The following ARID4A variants were observed in gnomAD, a reference collection of about 807,000 sequenced individuals.
ARID4A encodes AT-rich interaction domain 4A, also known as AT-rich interactive domain-containing protein 4A.
A neutral mutation model predicts 148.6 loss-of-function variants in ARID4A; 39 were observed. The ratio of observed to expected loss-of-function variants is 0.26; its 90% CI spans 0.20 to 0.34. The LOEUF is 0.34. ARID4A is among the 10% of genes least tolerant of loss of function. The pLI is 1.00. For synonymous variants in ARID4A, 475 were observed against 481.2 expected, an observed-to-expected ratio of 0.99 and a Z score of 0.17; for missense variants, 1,265 against 1,449.1, an observed-to-expected ratio of 0.87 and a Z score of 2.06.
At chr14:58,359,724 T>G (rs1401010482) in intron 18 of ARID4A, among the ~76,000 whole-genome samples, 3 of 152,176 alleles carry the variant, frequency 2.0e-5, no homozygotes, top group Non-Finnish European at 4.4e-5. Flanking sequence ...CTTCTTTTGC[T>G]TAGTAATATG....
At chr14:58,348,992 G>A (rs188860955) in intron 15 of ARID4A, among the ~76,000 whole-genome samples, 3 of 152,148 alleles carry the variant, frequency 2.0e-5, no homozygotes, top group Admixed American at 2.0e-4. Context: ...CTGAAATTCT[G>A]TACCCATTAA....
intron 5 of ARID4A, among the ~76,000 whole-genome samples, chr14:58,312,188 A>G (rs1390407620): frequency 1.3e-5 from 2 of 152,044 alleles, no homozygotes; most frequent in Non-Finnish European, 2.9e-5. Context: ...AACATGTTGT[A>G]TAAGATAAAT....
intron 1 of ARID4A, among the ~76,000 whole-genome samples, chr14:58,299,137 G>T (rs1212332198): frequency 6.6e-6 from 1 of 152,222 alleles, no homozygotes; most frequent in African/African-American, 2.4e-5. Context: ...GGCTGCTGCG[G>T]TGCGGCTCCC....
chr14:58,372,407 G>T lies in ARID4A; in HGVS notation c.*418G>T. 1 of 240,730 alleles carries T rather than the reference G, an allele frequency of 4.2e-6. No homozygotes were observed. The highest frequency in any genetic ancestry group is 8.1e-6 in the Non-Finnish European group (1 of 123,478). 14.9% of individuals were successfully genotyped at this position (240,730 alleles called of 1,614,324 possible). A position where few individuals can be genotyped will look rare whatever the true frequency, so the allele number is the denominator to read the frequency against. On this transcript the variant is annotated 3_prime_UTR_variant, in exon 24 of 24. Transcript: ENST00000355431. The stretch of plus-strand genomic sequence containing the variant: ...TTCACTAAGATGTATTTGAACACTT[G>T]GTGAGTAGGGGGTTTATGTTGTGTT...
At chr14:58,346,585 C>A (rs1310929264) in intron 13 of ARID4A, 80 bp downstream of exon 13, 4 of 833,066 alleles carry the variant, frequency 4.8e-6, no homozygotes, top group East Asian at 5.7e-5. Flanking sequence ...ATTATATGCA[C>A]ATTGGATAAT....
chr14:58,300,208 C>T (rs1780998564), intron 2 of ARID4A, among the ~76,000 whole-genome samples: 1 of 151,982 alleles, frequency 6.6e-6, no homozygotes, highest in South Asian at 2.1e-4. Flanking sequence ...TTTTTTTCTT[C>T]CCGTGTGCCA....
At chr14:58,306,161 A>G in intron 5 of ARID4A, 49 bp downstream of exon 5, 2 of 1,353,914 alleles carry the variant, frequency 1.5e-6, no homozygotes, top group Non-Finnish European at 2.1e-6. Context: ...GGTTGCATGT[A>G]TCTGTGTTTT....
chr14:58,329,861 GAA>G, intron 10 of ARID4A, 140 bp from the exon 11 acceptor site: 1 of 1,329,680 alleles, frequency 7.5e-7, no homozygotes. Flanking sequence ...TATAACTTAT[GAA>G]ATATGTTAAA....
chr14:58,354,370 C>T (rs980536015), intron 17 of ARID4A, among the ~76,000 whole-genome samples: 2 of 151,992 alleles, frequency 1.3e-5, no homozygotes, highest in Non-Finnish European at 2.9e-5. Context: ...TTTGATCTTC[C>T]GTTAGATGAT....
rs1316620758 is a variant in ARID4A, at chr14:58,373,747, T to C, written c.*1758T>C. The C allele has an allele frequency of 6.0e-6, 1 of 167,244 alleles. No homozygotes were observed. Among genetic ancestry groups the C allele is most frequent in the Non-Finnish European group, 1.3e-5 (1 of 76,634 alleles). The allele number at this position is 167,244 out of a possible 1,614,324, so 10.4% of individuals were successfully genotyped here. ...GTTTTAAACATAGGCTTTATACTTTTAGTTTTCATTTAAGTGATTGCTTTT... is the reference window on the plus strand; with the variant it reads ...GTTTTAAACATAGGCTTTATACTTTCAGTTTTCATTTAAGTGATTGCTTTT... On this transcript the variant is annotated 3_prime_UTR_variant, in exon 24 of 24. Transcript: ENST00000355431.
intron 5 of ARID4A, among the ~76,000 whole-genome samples, chr14:58,306,562 A>G (rs1372897167): frequency 1.3e-5 from 2 of 152,184 alleles, no homozygotes; most frequent in African/African-American, 2.4e-5. Flanking sequence ...TTGATTTTTG[A>G]TACAGTGTGG....
intron 11 of ARID4A, among the ~76,000 whole-genome samples, chr14:58,335,122 A>G (rs1330708906): frequency 6.6e-6 from 1 of 152,036 alleles, no homozygotes; most frequent in Non-Finnish European, 1.5e-5. Flanking sequence ...TCTTGATCCT[A>G]TTTGACTGTT....
At chr14:58,361,694 CT>C (rs2035139622) in intron 19 of ARID4A, among the ~76,000 whole-genome samples, 1 of 152,182 alleles carries the variant, frequency 6.6e-6, no homozygotes, top group African/African-American at 2.4e-5. Flanking sequence ...ACCTACGATG[CT>C]GTGTTTTCAT....
chr14:58,371,049 G>A (rs1402990138), intron 23 of ARID4A, among the ~76,000 whole-genome samples: 2 of 152,098 alleles, frequency 1.3e-5, no homozygotes, highest in Admixed American at 6.6e-5. Context: ...CAGCACTTTG[G>A]GAGGCTGGAG....
chr14:58,326,520 GAAT>G (rs2033222380), intron 8 of ARID4A, among the ~76,000 whole-genome samples: 2 of 152,196 alleles, frequency 1.3e-5, no homozygotes, highest in African/African-American at 4.8e-5. Context: ...GCGAGTGGGG[GAAT>G]AATAGGAAAT....
At chr14:58,305,987 A>T in intron 4 of ARID4A, 35 bp from the exon 5 acceptor site, 1 of 1,529,432 alleles carries the variant, frequency 6.5e-7, no homozygotes, top group Non-Finnish European at 9.1e-7. Flanking sequence ...TTATTTGTTT[A>T]AATTTGGTAA....
intron 11 of ARID4A, among the ~76,000 whole-genome samples, chr14:58,342,430 A>G (rs2034158870): frequency 6.6e-6 from 1 of 152,182 alleles, no homozygotes; most frequent in Admixed American, 6.5e-5. Context: ...CATAAATCAA[A>G]TTTTATCTAT....
intron 2 of ARID4A, among the ~76,000 whole-genome samples, chr14:58,301,227 G>C (rs932494311): frequency 6.6e-6 from 1 of 152,024 alleles, no homozygotes; most frequent in Non-Finnish European, 1.5e-5. Context: ...AGCTATAAAT[G>C]AATAACTTAG....
chr14:58,328,130 A>G, intron 8 of ARID4A, 107 bp from the exon 9 acceptor site: 7 of 765,280 alleles, frequency 9.1e-6, no homozygotes, highest in Non-Finnish European at 1.3e-5. Flanking sequence ...TTTTTGTAAA[A>G]TATAATCTAT....
Sources: allele counts gnomAD v4.1 joint callset (sites outside exome capture counted in the v4.1 genomes callset), GRCh38; gene constraint gnomAD v4.1.1; transcripts MANE v1.5; gene names NCBI Gene and HGNC (gene_info 2026-07-23, HGNC 2026-07-21).